LDB2: variants seen among roughly 807,000 people sequenced by gnomAD.
LDB2 encodes the protein LIM domain-binding protein 2.
In LDB2, 12 loss-of-function variants were observed where a neutral mutation model predicts 44.3. That is an observed-to-expected ratio of 0.27 (90% confidence interval 0.17 to 0.44). The LOEUF (loss-of-function observed/expected upper bound fraction) is 0.44, where lower values mean the gene tolerates loss of function less well. Ranked by LOEUF, LDB2 falls within the 20% of genes least tolerant of loss-of-function variation. The probability of loss-of-function intolerance (pLI) is 1.00; values close to 1 mark genes in which losing one functional copy is unlikely to be tolerated. For missense variants in LDB2, 344 were observed against 473.5 expected (o/e 0.73, Z 2.54); for synonymous variants, 164 against 174.8 (o/e 0.94, Z 0.49).
intron 2 of LDB2, among the ~76,000 whole-genome samples, chr4:16,623,145 A>C (rs1351686211): frequency 6.6e-6 from 1 of 152,236 alleles, no homozygotes; most frequent in Non-Finnish European, 1.5e-5. Context: ...TTTGAATAAA[A>C]AAAGTAAATG....
chr4:16,807,880 G>C (rs1184157009), intron 1 of LDB2, among the ~76,000 whole-genome samples: 1 of 152,160 alleles, frequency 6.6e-6, no homozygotes, highest in Non-Finnish European at 1.5e-5. Context: ...AAAAACTAAA[G>C]AGTACTTAGG....
intron 1 of LDB2, among the ~76,000 whole-genome samples, chr4:16,775,013 A>C (rs1378875275): frequency 1.3e-5 from 2 of 152,268 alleles, no homozygotes. Flanking sequence ...TCAAAACACT[A>C]TGGCAATGAG....
chr4:16,703,042 C>G (rs2152637871), intron 2 of LDB2, among the ~76,000 whole-genome samples: 1 of 152,278 alleles, frequency 6.6e-6, no homozygotes, highest in African/African-American at 2.4e-5. Context: ...CTATACACAA[C>G]CAACCCTCAT....
At chr4:16,846,209 C>T (rs1786970128) in intron 1 of LDB2, among the ~76,000 whole-genome samples, 1 of 152,110 alleles carries the variant, frequency 6.6e-6, no homozygotes, top group Admixed American at 6.5e-5. Context: ...GCAATGCACT[C>T]CCTAAGACCT....
At chr4:16,786,576 T>A (rs1774467548) in intron 1 of LDB2, among the ~76,000 whole-genome samples, 1 of 152,106 alleles carries the variant, frequency 6.6e-6, no homozygotes. Flanking sequence ...TCTGAATGGA[T>A]ACACACACAT....
chr4:16,619,064 T>C (rs747824703), intron 2 of LDB2, among the ~76,000 whole-genome samples: 1 of 152,108 alleles, frequency 6.6e-6, no homozygotes, highest in Non-Finnish European at 1.5e-5. Flanking sequence ...TACAGCTTGC[T>C]GAACCATGAG....
At chr4:16,562,638 C>T (rs1218304669) in intron 5 of LDB2, among the ~76,000 whole-genome samples, 1 of 152,176 alleles carries the variant, frequency 6.6e-6, no homozygotes, top group Non-Finnish European at 1.5e-5. Context: ...CTAGTTCAAC[C>T]ATTGTGGAAG....
intron 1 of LDB2, among the ~76,000 whole-genome samples, chr4:16,772,902 A>G (rs1771015034): frequency 6.6e-6 from 1 of 152,258 alleles, no homozygotes; most frequent in African/African-American, 2.4e-5. Flanking sequence ...GGAAATAGGC[A>G]GACAAACAGA....
At chr4:16,509,672 AG>A (rs570917475) in intron 6 of LDB2, among the ~76,000 whole-genome samples, 82 of 152,322 alleles carry the variant, frequency 5.4e-4, no homozygotes, top group African/African-American at 1.6e-3. Flanking sequence ...AAGTTTCAGA[AG>A]CCTTCTCCTG....
At chr4:16,840,769 A>G (rs1265772765) in intron 1 of LDB2, among the ~76,000 whole-genome samples, 1 of 152,222 alleles carries the variant, frequency 6.6e-6, no homozygotes, top group East Asian at 1.9e-4. Context: ...TATGCATAAC[A>G]CACCAAGTGT....
At position 16,724,717 on chromosome 4, in the gene LDB2, A is replaced by T. The variant is rs534371104; in HGVS notation, c.235+34441T>A. ...AGCAAGCCCAAATTACAGTGAGCAG[A>T]TATTGTATCCAAATCTGAATCCAAA... On this transcript the variant is annotated intron_variant, in intron 2 of 7. Coordinates refer to ENST00000304523, the MANE Select transcript of LDB2 (RefSeq NM_001290.5). 7.3e-4 allele frequency among the ~76,000 whole-genome samples: 111 copies of T among 152,204 alleles called. 1 individual carries two copies. The highest frequency in any genetic ancestry group is 3.6e-3 in the Admixed American group (55 of 15,264).
intron 5 of LDB2, among the ~76,000 whole-genome samples, chr4:16,535,638 A>G (rs917148253): frequency 6.6e-6 from 1 of 152,164 alleles, no homozygotes; most frequent in African/African-American, 2.4e-5. Flanking sequence ...TGGGAGAAAA[A>G]CATATCAGAA....
intron 1 of LDB2, among the ~76,000 whole-genome samples, chr4:16,775,527 G>A (rs1771703723): frequency 1.3e-5 from 2 of 152,180 alleles, no homozygotes; most frequent in Admixed American, 1.3e-4. Context: ...GCTTAGAACA[G>A]TGCCTGGAAT....
At chr4:16,690,361 T>C (rs1461646793) in intron 2 of LDB2, among the ~76,000 whole-genome samples, 3 of 150,384 alleles carry the variant, frequency 2.0e-5, no homozygotes, top group Admixed American at 2.0e-4. Context: ...ACTCAGGAGG[T>C]TGAGGTGGGA....
intron 5 of LDB2, among the ~76,000 whole-genome samples, chr4:16,539,001 C>A (rs537864292): frequency 6.6e-6 from 1 of 152,232 alleles, no homozygotes; most frequent in South Asian, 2.1e-4. Flanking sequence ...TACTACTGAA[C>A]CAAAAGTAAG....
At chr4:16,862,322 G>C (rs16894100) in intron 1 of LDB2, among the ~76,000 whole-genome samples, 8,098 of 151,432 alleles carry the variant, frequency 0.053, 693 homozygotes, top group African/African-American at 0.18. Context: ...GATGGAAGCC[G>C]TTCTAATCTT....
intron 1 of LDB2, among the ~76,000 whole-genome samples, chr4:16,803,240 T>A (rs939093599): frequency 1.8e-4 from 28 of 152,330 alleles, no homozygotes; most frequent in African/African-American, 6.3e-4. Context: ...TTTTTCAGTT[T>A]AAAAGTCTTT....
intron 2 of LDB2, among the ~76,000 whole-genome samples, chr4:16,601,481 C>G (rs1161227450): frequency 6.6e-6 from 1 of 152,020 alleles, no homozygotes; most frequent in African/African-American, 2.4e-5. Flanking sequence ...TTGTAACTAA[C>G]AATATATTAA....
At chr4:16,816,527 G>A (rs1780948710) in intron 1 of LDB2, among the ~76,000 whole-genome samples, 1 of 149,174 alleles carries the variant, frequency 6.7e-6, no homozygotes, top group Non-Finnish European at 1.5e-5. Context: ...TCCCACCTCA[G>A]CCTCCCAAGT....
Sources: allele counts gnomAD v4.1 joint callset (sites outside exome capture counted in the v4.1 genomes callset), GRCh38; gene constraint gnomAD v4.1.1; transcripts MANE v1.5; gene names NCBI Gene and HGNC (gene_info 2026-07-23, HGNC 2026-07-21).